The following OXNAD1 variants were observed in gnomAD, a reference collection of about 807,000 sequenced individuals.
OXNAD1 encodes the protein oxidoreductase NAD-binding domain-containing protein 1.
Under a neutral mutation model 32.9 loss-of-function variants are expected in OXNAD1, and 34 were observed. That is an observed-to-expected ratio of 1.03 (90% CI 0.79 to 1.38). The LOEUF (loss-of-function observed/expected upper bound fraction) is 1.38, where lower values mean the gene tolerates loss of function less well. OXNAD1 is among the 40% of genes most tolerant of loss of function. The pLI is 0.00. For missense variants in OXNAD1, 407 were observed against 379.4 expected, an observed-to-expected ratio of 1.07 and a Z score of -0.60; for synonymous variants, 134 against 135.2, an observed-to-expected ratio of 0.99 and a Z score of 0.06.
At chr3:16,266,158 C>T (rs1314640610) in intron 1 of OXNAD1, among the ~76,000 whole-genome samples, 1 of 152,120 alleles carries the variant, frequency 6.6e-6, no homozygotes, top group Non-Finnish European at 1.5e-5. Flanking sequence ...TTCTTTGGGC[C>T]TTATTTCCTC....
downstream of OXNAD1, among the ~76,000 whole-genome samples, chr3:16,340,801 G>A (rs1173734428): frequency 1.3e-5 from 2 of 152,154 alleles, no homozygotes; most frequent in African/African-American, 4.8e-5. Context: ...AGTCAAAGGT[G>A]AAATTTGTTT....
downstream of OXNAD1, among the ~76,000 whole-genome samples, chr3:16,309,169 A>G (rs994699371): frequency 3.3e-5 from 5 of 152,180 alleles, no homozygotes; most frequent in African/African-American, 1.2e-4. Flanking sequence ...AATTCTTGCT[A>G]TATACCATAA....
chr3:16,313,087 C>G (rs780085433), intron 9 of OXNAD1, among the ~76,000 whole-genome samples: 1 of 150,392 alleles, frequency 6.6e-6, no homozygotes, highest in Non-Finnish European at 1.5e-5. Flanking sequence ...GTTCTATTGT[C>G]CAGGCTGGAG....
downstream of OXNAD1, among the ~76,000 whole-genome samples, chr3:16,340,694 T>TA (rs1229463249): frequency 1.3e-5 from 2 of 152,236 alleles, no homozygotes; most frequent in Admixed American, 1.3e-4. Flanking sequence ...ACTCTGCAGT[T>TA]ATAGATTTTA....
chr3:16,301,900 T>A lies in OXNAD1; in HGVS notation c.675+32T>A, dbSNP rs1436033382. 6.2e-7 allele frequency: 1 copy of A among 1,604,016 alleles called. No individual in the cohort carries two copies. Among genetic ancestry groups the A allele is most frequent in the Admixed American group, 1.7e-5 (1 of 59,140 alleles). ...GAGGTATAGCTTGCTGTAAGCAAAC[T>A]TGTGTAGTGGTATTAATTGTTCATG... On this transcript the variant is annotated intron_variant, in intron 7 of 8. Coordinates refer to ENST00000285083, the MANE Select transcript of OXNAD1 (RefSeq NM_138381.5). This position sits in a 1 kb window ranked among gnomAD's most constrained non-coding sequence, Gnocchi z 4.1.
downstream of OXNAD1, chr3:16,339,759 A>G (rs1447340515): frequency 1.3e-5 from 2 of 152,216 alleles, no homozygotes; most frequent in Admixed American, 6.5e-5. Flanking sequence ...CTAGAACACA[A>G]ACTCCACAAA....
intron 5 of OXNAD1, among the ~76,000 whole-genome samples, chr3:16,291,479 A>G (rs1038426292): frequency 1.3e-5 from 2 of 152,164 alleles, no homozygotes; most frequent in African/African-American, 2.4e-5. Flanking sequence ...TTTGTCTCTT[A>G]TAGACATTTT....
In OXNAD1 at chr3:16,314,829, G is replaced by A. The variant is rs2068222941; in HGVS notation, c.*30+11237G>A. 6.6e-6 allele frequency: 1 copy of A among 152,212 alleles called. No homozygotes were observed. The highest frequency in any genetic ancestry group is 2.4e-5 in the African/African-American group (1 of 41,452). 9.4% of individuals were successfully genotyped at this position (152,212 alleles called of 1,614,324 possible). Reference sequence around the variant, plus strand: ...CGTTTGCTTTTCAAAGTTGAGTGTGGTGTTTTTGTCCTGGCCTGTTGCTGA... The same window carrying A: ...CGTTTGCTTTTCAAAGTTGAGTGTGATGTTTTTGTCCTGGCCTGTTGCTGA... On this transcript the variant is annotated intron_variant, in intron 9 of 9. Coordinates refer to the OXNAD1 transcript ENST00000435829. This position sits in a 1 kb window ranked among gnomAD's most constrained non-coding sequence, Gnocchi z 4.4.
In OXNAD1 at chr3:16,336,589, C is replaced by T. The variant is rs747619607; in HGVS notation, c.*31-523C>T. ...ACATTTTGCTGATATGTAATCAGGACAACATAATAGAGTCTGAGAGAGCAG... is the reference window on the plus strand; with the variant it reads ...ACATTTTGCTGATATGTAATCAGGATAACATAATAGAGTCTGAGAGAGCAG... On this transcript the variant is annotated intron_variant, in intron 9 of 9. Transcript: ENST00000435829. This position sits in a 1 kb window ranked among gnomAD's most constrained non-coding sequence, Gnocchi z 6.0. 2.0e-5 allele frequency among the ~76,000 whole-genome samples: 3 copies of T among 152,172 alleles called. No homozygotes were observed. The highest frequency in any genetic ancestry group is 6.5e-5 in the Admixed American group (1 of 15,280).
intron 9 of OXNAD1, among the ~76,000 whole-genome samples, chr3:16,313,120 A>G (rs1464947812): frequency 6.7e-6 from 1 of 149,280 alleles, no homozygotes; most frequent in South Asian, 2.1e-4. Flanking sequence ...CCCACAGCTC[A>G]CTGCACCCTC....
At chr3:16,278,271 A>G (rs1482398271) in intron 4 of OXNAD1, among the ~76,000 whole-genome samples, 2 of 152,142 alleles carry the variant, frequency 1.3e-5, no homozygotes, top group Non-Finnish European at 2.9e-5. Flanking sequence ...AAATCTTTCT[A>G]ATTCTTTTTC....
downstream of OXNAD1, among the ~76,000 whole-genome samples, chr3:16,342,233 C>T (rs111650297): frequency 6.6e-6 from 1 of 151,900 alleles, no homozygotes; most frequent in African/African-American, 2.4e-5. This position sits in a 1 kb window ranked among gnomAD's most constrained non-coding sequence, Gnocchi z 4.0. Context: ...AACCACGAGT[C>T]CACTTTTTGT....
downstream of OXNAD1, among the ~76,000 whole-genome samples, chr3:16,310,991 CAA>C (rs1003070321): frequency 5.0e-4 from 29 of 57,544 alleles, no homozygotes; most frequent in African/African-American, 2.4e-3. Flanking sequence ...ACTCAGTCTC[CAA>C]AAAAAAAAAA....
chr3:16,286,519 TC>T (rs2066084543), intron 5 of OXNAD1, 71 bp downstream of exon 5: 2 of 1,298,556 alleles, frequency 1.5e-6, no homozygotes, highest in Non-Finnish European at 1.1e-6. Context: ...TATTATTTTT[TC>T]TCCTGGAAAA....
At chr3:16,282,082 C>T (rs560111741) in intron 4 of OXNAD1, among the ~76,000 whole-genome samples, 1 of 140,626 alleles carries the variant, frequency 7.1e-6, no homozygotes, top group African/African-American at 2.7e-5. Context: ...GGGGTTTTGC[C>T]ACGTTGCCCA....
intron 9 of OXNAD1, among the ~76,000 whole-genome samples, chr3:16,331,759 CTCT>C (rs757966488): frequency 3.3e-5 from 5 of 152,262 alleles, no homozygotes; most frequent in Admixed American, 3.3e-4. Flanking sequence ...CTGGTATGTT[CTCT>C]TTTTTTGGTT....
intron 9 of OXNAD1, among the ~76,000 whole-genome samples, chr3:16,331,348 T>TA (rs2070293436): frequency 2.0e-5 from 3 of 152,254 alleles, no homozygotes; most frequent in Admixed American, 2.0e-4. Context: ...AGTGCTCCCA[T>TA]AAACATTTCT....
rs1016424103 is a variant in OXNAD1, at chr3:16,335,528, A to G, written c.*31-1584A>G. On this transcript the variant is annotated intron_variant, in intron 9 of 9. Coordinates refer to the OXNAD1 transcript ENST00000435829. This position sits in a 1 kb window ranked among gnomAD's most constrained non-coding sequence, Gnocchi z 4.7. ...ACGCAGGAACAGAAAATCAAACACCACATGTTCTCACTTACAAGTGGGAGA... is the reference window on the plus strand; with the variant it reads ...ACGCAGGAACAGAAAATCAAACACCGCATGTTCTCACTTACAAGTGGGAGA... Among the ~76,000 whole-genome samples, 2 of 152,236 alleles carry G rather than the reference A, an allele frequency of 1.3e-5. No individual in the cohort carries two copies. Among genetic ancestry groups the G allele is most frequent in the African/African-American group, 4.8e-5 (2 of 41,454 alleles).
At chr3:16,282,573 G>C (rs1456313838) in intron 4 of OXNAD1, among the ~76,000 whole-genome samples, 1 of 152,126 alleles carries the variant, frequency 6.6e-6, no homozygotes, top group African/African-American at 2.4e-5. Flanking sequence ...GTAGAGTTGA[G>C]AGTATGAAGA....
Sources: allele counts gnomAD v4.1 joint callset (sites outside exome capture counted in the v4.1 genomes callset), GRCh38; gene constraint gnomAD v4.1.1; non-coding constraint Gnocchi (gnomAD v3.1); transcripts MANE v1.5; gene names NCBI Gene and HGNC (gene_info 2026-07-23, HGNC 2026-07-21).